ELF1: variants seen among roughly 807,000 people sequenced by gnomAD.
The protein encoded by ELF1 is E74 like ETS transcription factor 1.
In ELF1, 24 loss-of-function variants were observed where a neutral mutation model predicts 59.9. That is an observed-to-expected ratio of 0.40 (90% confidence interval 0.29 to 0.56). The LOEUF is 0.56. Among genes scored for constraint, ELF1 ranks in the 20% least tolerant of loss-of-function variants. The pLI is 0.44. For missense variants in ELF1, 627 were observed against 742.2 expected, an observed-to-expected ratio of 0.84 and a Z score of 1.80; for synonymous variants, 248 against 266.2, an observed-to-expected ratio of 0.93 and a Z score of 0.67.
chr13:40,950,429 C>CT (rs2138158311), intron 4 of ELF1, among the ~76,000 whole-genome samples: 1 of 152,276 alleles, frequency 6.6e-6, no homozygotes, highest in South Asian at 2.1e-4. Flanking sequence ...ATCTCATTTC[C>CT]CACCCACCAT....
intron 1 of ELF1, among the ~76,000 whole-genome samples, chr13:41,036,215 CA>C (rs972005726): frequency 6.6e-6 from 1 of 150,686 alleles, no homozygotes; most frequent in Admixed American, 6.6e-5. Context: ...CACAGCCGGC[CA>C]AAAAAAAATT....
chr13:41,033,404 G>A (rs935550797), intron 1 of ELF1, among the ~76,000 whole-genome samples: 10 of 152,232 alleles, frequency 6.6e-5, no homozygotes, highest in Admixed American at 3.3e-4. Flanking sequence ...AATACATAAC[G>A]AAAAGAGGCA....
intron 8 of ELF1, among the ~76,000 whole-genome samples, chr13:40,936,677 C>T (rs7319410): frequency 0.53 from 78,893 of 148,758 alleles, 24,119 homozygotes; most frequent in Non-Finnish European, 0.67. Flanking sequence ...AGGAGAATGG[C>T]GTGAACCTGG....
At position 41,012,152 on chromosome 13, in the gene ELF1, T is replaced by C. The variant is rs190913194; in HGVS notation, c.-229+7076A>G. 1.8e-3 allele frequency among the ~76,000 whole-genome samples: 274 copies of C among 151,486 alleles called. 2 individuals are homozygous for C. Among genetic ancestry groups the C allele is most frequent in the African/African-American group, 6.4e-3 (266 of 41,264 alleles). ...CAAAACCTCATCTCTACTAAAAAAA[T>C]ACAAAGATAAATTAGCTAGGCGCCA... On this transcript the variant is annotated intron_variant, in intron 1 of 8. Coordinates refer to ENST00000239882, the MANE Select transcript of ELF1 (RefSeq NM_172373.4).
intron 1 of ELF1, among the ~76,000 whole-genome samples, chr13:41,055,974 C>T (rs1477454232): frequency 1.3e-5 from 2 of 152,046 alleles, no homozygotes; most frequent in African/African-American, 2.4e-5. Context: ...ATTCTATATG[C>T]TTTTTATTGC....
intron 1 of ELF1, among the ~76,000 whole-genome samples, chr13:40,984,749 G>A (rs1357595706): frequency 1.3e-5 from 2 of 152,144 alleles, no homozygotes; most frequent in African/African-American, 4.8e-5. Context: ...TAAAAGATTA[G>A]GTTCCAGAAG....
intron 1 of ELF1, among the ~76,000 whole-genome samples, chr13:41,044,904 G>A (rs956506373): frequency 6.6e-6 from 1 of 152,118 alleles, no homozygotes; most frequent in African/African-American, 2.4e-5. Flanking sequence ...GTAGAATTCG[G>A]CTGTGACTCC....
intron 8 of ELF1, among the ~76,000 whole-genome samples, chr13:40,939,733 G>C (rs4942013): frequency 0.026 from 3,901 of 152,324 alleles, 84 homozygotes; most frequent in Non-Finnish European, 0.044. Flanking sequence ...CGGGAGCATT[G>C]TGGATCTCAG....
At chr13:40,976,223 T>C (rs1166343339) in intron 2 of ELF1, among the ~76,000 whole-genome samples, 4 of 152,220 alleles carry the variant, frequency 2.6e-5, no homozygotes, top group Admixed American at 2.6e-4. Flanking sequence ...ACAGGCACAC[T>C]GTGAAAAGTT....
rs180807154 is a variant in ELF1, at chr13:40,942,732, G to A, written c.806+220C>T. Among the ~76,000 whole-genome samples, 155 of 152,206 alleles carry A rather than the reference G, an allele frequency of 1.0e-3. 1 individual carries two copies. Among genetic ancestry groups the A allele is most frequent in the African/African-American group, 3.4e-3 (143 of 41,504 alleles). ...AGACAGGGTTTTGCCATGTTGCCCA[G>A]GCTGGTCTTAAACTCCTGGACTCAA... is the stretch of plus-strand genomic sequence containing the variant. On this transcript the variant is annotated intron_variant, in intron 7 of 8. Coordinates refer to ENST00000239882, the MANE Select transcript of ELF1 (RefSeq NM_172373.4).
chr13:40,941,391 CATCA>C (rs1259187758), intron 7 of ELF1, 21 bp from the exon 8 acceptor site: 2 of 1,530,348 alleles, frequency 1.3e-6, no homozygotes, highest in South Asian at 1.3e-5. Context: ...CAGACAATTT[CATCA>C]ATCAATCAAA....
intron 1 of ELF1, among the ~76,000 whole-genome samples, chr13:40,994,302 ACT>A (rs1214936634): frequency 6.6e-6 from 1 of 152,134 alleles, no homozygotes; most frequent in East Asian, 1.9e-4. Flanking sequence ...CTCAAGTTTA[ACT>A]CTTTTTTTGA....
chr13:41,002,951 A>G (rs931063122), intron 1 of ELF1, among the ~76,000 whole-genome samples: 1 of 152,226 alleles, frequency 6.6e-6, no homozygotes, highest in African/African-American at 2.4e-5. Context: ...GTTTAAAAGA[A>G]TATTAAGTAA....
At chr13:40,976,340 A>G (rs963498130) in intron 2 of ELF1, among the ~76,000 whole-genome samples, 4 of 152,252 alleles carry the variant, frequency 2.6e-5, no homozygotes, top group African/African-American at 9.6e-5. Context: ...TTCATCTGTC[A>G]GATAAACTAG....
intron 3 of ELF1, among the ~76,000 whole-genome samples, chr13:40,956,704 G>C (rs1222439435): frequency 7.4e-6 from 1 of 135,332 alleles, no homozygotes; most frequent in Non-Finnish European, 1.6e-5. Context: ...TTTGTTTTTT[G>C]TTTTTGAGCT....
upstream of ELF1, chr13:41,019,374 A>C (rs1401628220): frequency 4.1e-6 from 4 of 985,274 alleles, no homozygotes; most frequent in African/African-American, 7.0e-5. Flanking sequence ...AGTGTTTCTA[A>C]GGGAGGCACG....
intron 1 of ELF1, among the ~76,000 whole-genome samples, chr13:41,036,425 C>T (rs2031662): frequency 0.98 from 148,558 of 152,318 alleles, 72,537 homozygotes; most frequent in Non-Finnish European, 1. Flanking sequence ...TCTCCCTCCA[C>T]ACTTGAAGTC....
chr13:41,042,555 G>A (rs1048945227), intron 1 of ELF1, among the ~76,000 whole-genome samples: 16 of 152,104 alleles, frequency 1.1e-4, no homozygotes, highest in Middle Eastern at 3.4e-3. Flanking sequence ...GAGAACATGC[G>A]GTGTTTGGTT....
intron 1 of ELF1, among the ~76,000 whole-genome samples, chr13:40,998,655 T>C (rs937439268): frequency 2.0e-5 from 3 of 152,246 alleles, no homozygotes; most frequent in African/African-American, 4.8e-5. Context: ...AAGTAAAACA[T>C]ATACAGAACA....
Sources: gnomAD v4.1 joint callset for allele counts (sites outside exome capture counted in the v4.1 genomes callset) on GRCh38, gnomAD v4.1.1 for gene constraint, MANE v1.5 for transcripts, NCBI Gene and HGNC (gene_info 2026-07-23, HGNC 2026-07-21) for gene names.